SPATS2: variants seen among roughly 807,000 people sequenced by gnomAD.
SPATS2 encodes spermatogenesis-associated serine-rich protein 2.
A neutral mutation model predicts 63.7 loss-of-function variants in SPATS2; 38 were observed. The observed-to-expected ratio is 0.60, with a 90% CI of 0.46 to 0.78. The LOEUF is 0.78. Among genes scored for constraint, SPATS2 ranks in the 30% least tolerant of loss-of-function variants. The probability of loss-of-function intolerance (pLI) is 0.00; values close to 1 mark genes in which losing one functional copy is unlikely to be tolerated. For synonymous variants in SPATS2, 207 were observed against 232.9 expected (o/e 0.89, Z 1.01); for missense variants, 588 against 666.2 (o/e 0.88, Z 1.29).
At chr12:49,442,010 C>A (rs1281027216) in intron 2 of SPATS2, among the ~76,000 whole-genome samples, 1 of 152,070 alleles carries the variant, frequency 6.6e-6, no homozygotes, top group African/African-American at 2.4e-5. Context: ...TACGAAAAAA[C>A]AACATGGTAA....
chr12:49,381,717 A>G (rs751313753), intron 2 of SPATS2, among the ~76,000 whole-genome samples: 1 of 152,162 alleles, frequency 6.6e-6, no homozygotes, highest in Non-Finnish European at 1.5e-5. Context: ...TTTATATTTA[A>G]TAGTATGTGA....
intron 11 of SPATS2, among the ~76,000 whole-genome samples, chr12:49,521,223 A>G (rs1333800438): frequency 6.6e-6 from 1 of 152,178 alleles, no homozygotes; most frequent in African/African-American, 2.4e-5. Context: ...TCACACTGAG[A>G]GAACACTTGC....
chr12:49,499,439 G>GTT (rs1946526459), intron 8 of SPATS2, among the ~76,000 whole-genome samples: 2 of 142,020 alleles, frequency 1.4e-5, no homozygotes, highest in Non-Finnish European at 3.0e-5. Flanking sequence ...GTTTTGTTTT[G>GTT]TTTTTTGGTG....
chr12:49,462,869 A>G, intron 3 of SPATS2: 1 of 207,590 alleles, frequency 4.8e-6, no homozygotes, highest in South Asian at 8.1e-5. Flanking sequence ...GGGTCTTTAT[A>G]GGCACAGAAT....
At chr12:49,367,125 CG>C (rs1452399952), upstream of SPATS2, 2 of 154,620 alleles carry the variant, frequency 1.3e-5, no homozygotes, top group Non-Finnish European at 2.8e-5. Context: ...GCCCGCCTCT[CG>C]CCGCCCCGCG....
chr12:49,419,779 A>G (rs1944947962), intron 2 of SPATS2, among the ~76,000 whole-genome samples: 1 of 152,212 alleles, frequency 6.6e-6, no homozygotes, highest in Non-Finnish European at 1.5e-5. Flanking sequence ...TGAAAGCAGC[A>G]TATATATTTA....
chr12:49,444,216 G>GTT (rs879264856), intron 2 of SPATS2, among the ~76,000 whole-genome samples: 1 of 92,260 alleles, frequency 1.1e-5, no homozygotes, highest in Non-Finnish European at 2.1e-5. Flanking sequence ...TTTTGTTGTT[G>GTT]TTTTTTTTTT....
chr12:49,515,463 G>A (rs1180454790), intron 10 of SPATS2, among the ~76,000 whole-genome samples: 1 of 152,226 alleles, frequency 6.6e-6, no homozygotes, highest in Non-Finnish European at 1.5e-5. Context: ...TCACTTGTGT[G>A]TGTGGTCACG....
At chr12:49,496,594 T>A (rs1307387177) in intron 7 of SPATS2, among the ~76,000 whole-genome samples, 2 of 152,212 alleles carry the variant, frequency 1.3e-5, no homozygotes, top group Non-Finnish European at 2.9e-5. Context: ...TATCTAAAGA[T>A]GTGTTGCCAC....
chr12:49,480,308 T>C (rs1268539081), intron 3 of SPATS2, among the ~76,000 whole-genome samples: 1 of 152,230 alleles, frequency 6.6e-6, no homozygotes, highest in Non-Finnish European at 1.5e-5. Flanking sequence ...AGAGCCTTAC[T>C]GTGTGTTCAT....
At chr12:49,403,594 TACAC>T (rs5798102) in intron 2 of SPATS2, among the ~76,000 whole-genome samples, 6,573 of 128,342 alleles carry the variant, frequency 0.051, 172 homozygotes, top group East Asian at 0.085. Flanking sequence ...TGCCACTGTC[TACAC>T]ACACACACAC....
intron 11 of SPATS2, among the ~76,000 whole-genome samples, chr12:49,519,861 G>A (rs1946910321): frequency 1.3e-5 from 2 of 150,448 alleles, no homozygotes; most frequent in Admixed American, 1.3e-4. Flanking sequence ...CACCCAGGCT[G>A]GAGTGCAATG....
chr12:49,498,143 A>ATATATATATAT (rs1307387821), intron 8 of SPATS2, among the ~76,000 whole-genome samples: 21 of 95,050 alleles, frequency 2.2e-4, no homozygotes, highest in African/African-American at 9.7e-4. Context: ...AAAAAAAAAA[A>ATATATATATAT]AAATATATAT....
chr12:49,432,725 G>T (rs1052099753), intron 2 of SPATS2, among the ~76,000 whole-genome samples: 4 of 152,090 alleles, frequency 2.6e-5, no homozygotes, highest in African/African-American at 7.2e-5. Flanking sequence ...TGTCCTCAAG[G>T]TTCCTCCATG....
intron 2 of SPATS2, among the ~76,000 whole-genome samples, chr12:49,426,191 T>G (rs1471833617): frequency 6.6e-6 from 1 of 151,378 alleles, no homozygotes; most frequent in Non-Finnish European, 1.5e-5. Flanking sequence ...GTTTTTTTCT[T>G]TGTTTTTGGT....
chr12:49,442,785 TTA>T (rs1491326282), intron 2 of SPATS2: 4 of 62,920 alleles, frequency 6.4e-5, no homozygotes, highest in African/African-American at 8.4e-5. Flanking sequence ...CCATGTCTCC[TTA>T]AAAAAAAAAA....
At chr12:49,422,594 T>G (rs1945002368) in intron 2 of SPATS2, among the ~76,000 whole-genome samples, 1 of 152,194 alleles carries the variant, frequency 6.6e-6, no homozygotes, top group Non-Finnish European at 1.5e-5. Flanking sequence ...GTTCCTGGCC[T>G]ATAGTAAGCA....
intron 2 of SPATS2, among the ~76,000 whole-genome samples, chr12:49,407,444 A>G (rs747859022): frequency 2.0e-5 from 3 of 152,128 alleles, no homozygotes; most frequent in East Asian, 1.9e-4. Context: ...CTGATTTCCT[A>G]TGACTCTCCA....
intron 2 of SPATS2, among the ~76,000 whole-genome samples, chr12:49,439,059 T>G (rs1171360894): frequency 6.6e-6 from 1 of 152,170 alleles, no homozygotes; most frequent in Non-Finnish European, 1.5e-5. Flanking sequence ...CAGGGGCTGC[T>G]GTATGTAGGA....
Sources: allele counts gnomAD v4.1 joint callset (sites outside exome capture counted in the v4.1 genomes callset), GRCh38; gene constraint gnomAD v4.1.1; transcripts MANE v1.5; gene names NCBI Gene and HGNC (gene_info 2026-07-23, HGNC 2026-07-21).